Variants in CYP2J2 observed in about 807,000 individuals in gnomAD.
CYP2J2 encodes the protein cytochrome P450 2J2.
In CYP2J2, 41 loss-of-function variants were observed where a neutral mutation model predicts 48.8. The ratio of observed to expected loss-of-function variants is 0.84; its 90% CI spans 0.66 to 1.09. CYP2J2 has a LOEUF of 1.09. Ranked by LOEUF, CYP2J2 falls within the 50% of genes least tolerant of loss-of-function variation. The pLI, the probability that CYP2J2 is intolerant of heterozygous loss-of-function variation, is 0.00. For missense variants in CYP2J2, 644 were observed against 617.3 expected (o/e 1.04, Z -0.46); for synonymous variants, 221 against 227.1 (o/e 0.97, Z 0.24).
At chr1:59,915,446 G>A (rs1559077265) in intron 2 of CYP2J2, among the ~76,000 whole-genome samples, 3 of 152,124 alleles carry the variant, frequency 2.0e-5, no homozygotes. Flanking sequence ...ATATTTAATG[G>A]TAATTTTAAG....
the CYP2J2 span, among the ~76,000 whole-genome samples, chr1:59,968,826 G>C: frequency 6.6e-6 from 1 of 152,210 alleles, no homozygotes; most frequent in Non-Finnish European, 1.5e-5. Context: ...GTGGGTTCTT[G>C]GTCTCATTGA....
At chr1:59,944,208 A>G in the CYP2J2 span, among the ~76,000 whole-genome samples, 1 of 152,126 alleles carries the variant, frequency 6.6e-6, no homozygotes, top group Non-Finnish European at 1.5e-5. Flanking sequence ...GCTTCAGAGA[A>G]GGTGTTTGTA....
At chr1:59,896,248 T>C (rs1443518557) in intron 8 of CYP2J2, among the ~76,000 whole-genome samples, 2 of 152,020 alleles carry the variant, frequency 1.3e-5, no homozygotes, top group Non-Finnish European at 2.9e-5. Context: ...CTAAGAAATA[T>C]ATGTATGTAT....
At chr1:59,910,022 C>A in intron 4 of CYP2J2, 62 bp from the exon 5 acceptor site, 1 of 1,233,568 alleles carries the variant, frequency 8.1e-7, no homozygotes, top group Non-Finnish European at 1.2e-6. Flanking sequence ...CTTTTTAAGA[C>A]AACAGAAACC....
chr1:59,943,617 G>A, the CYP2J2 span, among the ~76,000 whole-genome samples: 1 of 152,016 alleles, frequency 6.6e-6, no homozygotes, highest in Non-Finnish European at 1.5e-5. Flanking sequence ...ATGATTTTGG[G>A]TTTAGCAAGA....
At chr1:59,960,122 G>T in the CYP2J2 span, among the ~76,000 whole-genome samples, 2 of 152,170 alleles carry the variant, frequency 1.3e-5, no homozygotes, top group Admixed American at 1.3e-4. Flanking sequence ...CAAACCCCAA[G>T]ATAAGCACTT....
At chr1:59,903,609 T>G (rs1644339393) in intron 7 of CYP2J2, among the ~76,000 whole-genome samples, 1 of 152,178 alleles carries the variant, frequency 6.6e-6, no homozygotes, top group Non-Finnish European at 1.5e-5. Flanking sequence ...TACTCCAAAC[T>G]TCAGCATCGT....
At chr1:59,966,885 G>T in the CYP2J2 span, among the ~76,000 whole-genome samples, 1 of 152,092 alleles carries the variant, frequency 6.6e-6, no homozygotes, top group African/African-American at 2.4e-5. Context: ...TTTCTGGATG[G>T]TTGTTTATAA....
intron 1 of CYP2J2, among the ~76,000 whole-genome samples, chr1:59,922,911 C>A (rs1644530434): frequency 6.6e-6 from 1 of 152,192 alleles, no homozygotes; most frequent in African/African-American, 2.4e-5. Context: ...ATGGATAGTA[C>A]CTTGTCTTTC....
At chr1:59,894,876 ATT>A (rs1413823274) in intron 8 of CYP2J2, among the ~76,000 whole-genome samples, 1 of 152,208 alleles carries the variant, frequency 6.6e-6, no homozygotes, top group African/African-American at 2.4e-5. Context: ...GGGTGGTAGC[ATT>A]ACTCAAACAG....
intron 1 of CYP2J2, among the ~76,000 whole-genome samples, chr1:59,924,741 G>T (rs983745936): frequency 6.6e-6 from 1 of 151,566 alleles, no homozygotes; most frequent in Non-Finnish European, 1.5e-5. Context: ...GATAGGAAAA[G>T]GAAAACAGAG....
chr1:59,906,700 A>G (rs888959107), intron 6 of CYP2J2, among the ~76,000 whole-genome samples: 1 of 152,050 alleles, frequency 6.6e-6, no homozygotes, highest in Non-Finnish European at 1.5e-5. Flanking sequence ...TAGGAATTTC[A>G]CTATTCTTGA....
upstream of CYP2J2, among the ~76,000 whole-genome samples, chr1:59,929,278 G>T (rs575007624): frequency 6.6e-6 from 1 of 152,260 alleles, no homozygotes; most frequent in Admixed American, 6.5e-5. Context: ...CAAACAAAAA[G>T]AATTGGGAGA....
At chr1:59,904,723 C>A in intron 7 of CYP2J2, 148 bp downstream of exon 7, 1 of 661,298 alleles carries the variant, frequency 1.5e-6, no homozygotes, top group African/African-American at 1.9e-5. Flanking sequence ...TAGTTGAAGA[C>A]TACACATGGA....
intron 6 of CYP2J2, among the ~76,000 whole-genome samples, chr1:59,905,513 T>G (rs1644357611): frequency 2.0e-5 from 3 of 152,164 alleles, no homozygotes; most frequent in Non-Finnish European, 4.4e-5. Flanking sequence ...ACATATAAAT[T>G]TGGGCTGGGG....
chr1:59,908,755 T>C (rs541735251), intron 5 of CYP2J2, among the ~76,000 whole-genome samples: 2 of 152,328 alleles, frequency 1.3e-5, no homozygotes, highest in East Asian at 3.9e-4. Flanking sequence ...AAGATGACAG[T>C]ATTGATGCAG....
chr1:59,908,139 T>A (rs543567224), intron 5 of CYP2J2, among the ~76,000 whole-genome samples: 1 of 152,316 alleles, frequency 6.6e-6, no homozygotes, highest in Non-Finnish European at 1.5e-5. Context: ...TTTGGATGGA[T>A]GAAAATCAAG....
chr1:59,943,684 T>C, the CYP2J2 span, among the ~76,000 whole-genome samples: 1 of 151,936 alleles, frequency 6.6e-6, no homozygotes, highest in Admixed American at 6.5e-5. Flanking sequence ...GCAGTTTTTT[T>C]TTTTTCCCCC....
chr1:59,935,017 T>TATATATATATATATATATATATATAC, the CYP2J2 span, among the ~76,000 whole-genome samples: 4 of 33,176 alleles, frequency 1.2e-4, no homozygotes, highest in Admixed American at 3.0e-4. Context: ...TATATATACA[T>TATATATATATATATATATATATATAC]ATATATATAT....
Sources: allele counts gnomAD v4.1 joint callset (sites outside exome capture counted in the v4.1 genomes callset), GRCh38; gene constraint gnomAD v4.1.1; transcripts MANE v1.5; gene names NCBI Gene and HGNC (gene_info 2026-07-23, HGNC 2026-07-21).